MAGI2: variants seen among roughly 807,000 people sequenced by gnomAD.
The protein encoded by MAGI2 is membrane-associated guanylate kinase, WW and PDZ domain-containing protein 2.
Under a neutral mutation model 133.3 loss-of-function variants are expected in MAGI2, and 35 were observed. The ratio of observed to expected loss-of-function variants is 0.26; its 90% CI spans 0.20 to 0.35. MAGI2 has a LOEUF of 0.35. MAGI2 is among the 10% of genes least tolerant of loss of function. The pLI, the probability that MAGI2 is intolerant of heterozygous loss-of-function variation, is 1.00. For synonymous variants in MAGI2, 729 were observed against 710.6 expected, an observed-to-expected ratio of 1.03 and a Z score of -0.41; for missense variants, 1,636 against 1,863.4, an observed-to-expected ratio of 0.88 and a Z score of 2.25.
chr7:79,384,770 G>A (rs1194142367), intron 1 of MAGI2, among the ~76,000 whole-genome samples: 1 of 151,664 alleles, frequency 6.6e-6, no homozygotes, highest in African/African-American at 2.4e-5. Flanking sequence ...GACAATAAAT[G>A]AAACTTTTAG....
chr7:78,600,415 T>C (rs1167799285), intron 3 of MAGI2, among the ~76,000 whole-genome samples: 2 of 152,140 alleles, frequency 1.3e-5, no homozygotes, highest in Non-Finnish European at 2.9e-5. Context: ...ATAGATATTC[T>C]ATCCATGAAA....
At chr7:79,331,682 T>C (rs960871251) in intron 1 of MAGI2, among the ~76,000 whole-genome samples, 2 of 152,214 alleles carry the variant, frequency 1.3e-5, no homozygotes, top group African/African-American at 4.8e-5. Flanking sequence ...TTTTGCCATT[T>C]GGAAGGCAAC....
chr7:79,193,772 A>G (rs536960480), intron 1 of MAGI2, among the ~76,000 whole-genome samples: 3 of 151,828 alleles, frequency 2.0e-5, no homozygotes, highest in African/African-American at 7.3e-5. Flanking sequence ...TTCATTTTGC[A>G]CTGGGAAAAT....
At chr7:78,624,449 T>A (rs1006132728) in intron 3 of MAGI2, among the ~76,000 whole-genome samples, 4 of 152,146 alleles carry the variant, frequency 2.6e-5, no homozygotes, top group Non-Finnish European at 5.9e-5. Flanking sequence ...ATATATACCA[T>A]GGAATACTAT....
intron 2 of MAGI2, among the ~76,000 whole-genome samples, chr7:78,924,237 TAA>T (rs1175337162): frequency 3.3e-5 from 5 of 152,162 alleles, no homozygotes; most frequent in Non-Finnish European, 5.9e-5. Flanking sequence ...CTATGTTGAA[TAA>T]GAGTGGTGAG....
At chr7:78,220,455 AC>A (rs1168698193) in intron 10 of MAGI2, among the ~76,000 whole-genome samples, 1 of 152,224 alleles carries the variant, frequency 6.6e-6, no homozygotes, top group Non-Finnish European at 1.5e-5. Flanking sequence ...GGCAGGGGCA[AC>A]ATCCTGTTTG....
At chr7:78,930,681 A>G (rs1800046108) in intron 2 of MAGI2, among the ~76,000 whole-genome samples, 1 of 152,108 alleles carries the variant, frequency 6.6e-6, no homozygotes, top group African/African-American at 2.4e-5. Flanking sequence ...TTGGTATACT[A>G]TCCATTACTA....
At chr7:79,270,197 C>G (rs991012928) in intron 1 of MAGI2, among the ~76,000 whole-genome samples, 9 of 152,090 alleles carry the variant, frequency 5.9e-5, no homozygotes, top group Non-Finnish European at 1.2e-4. Context: ...TCTCCAGCTC[C>G]CTGCCCACCA....
chr7:78,285,565 G>A (rs568342813), intron 9 of MAGI2: 19 of 152,204 alleles, frequency 1.2e-4, no homozygotes, highest in African/African-American at 4.3e-4. Context: ...GTCCTAGTTT[G>A]GGAAATGGGG....
chr7:78,209,809 G>C (rs1377089594), intron 10 of MAGI2, among the ~76,000 whole-genome samples: 2 of 152,100 alleles, frequency 1.3e-5, no homozygotes, highest in East Asian at 1.9e-4. Flanking sequence ...AACCTACAAG[G>C]CTCTGAAGAA....
At position 78,359,658 on chromosome 7, in the gene MAGI2, T is replaced by TA. The variant is rs1353975928; in HGVS notation, c.1103+9497dup. 5.9e-5 allele frequency among the ~76,000 whole-genome samples: 9 copies of TA among 152,280 alleles called. No individual in the cohort carries two copies. In the East Asian group the frequency reaches 1.4e-3, roughly 23 times the overall value. ...CATAACACTCACATGATGGGATTGTTAAAATCATTAAAATAAAAGAATGGT... is the reference window on the plus strand; with the variant it reads ...CATAACACTCACATGATGGGATTGTTAAAAATCATTAAAATAAAAGAATGGT... On this transcript the variant is annotated intron_variant, in intron 7 of 21. Coordinates refer to ENST00000354212, the MANE Select transcript of MAGI2 (RefSeq NM_012301.4).
chr7:78,513,809 C>T (rs1393639436), intron 4 of MAGI2, among the ~76,000 whole-genome samples: 1 of 152,064 alleles, frequency 6.6e-6, no homozygotes, highest in African/African-American at 2.4e-5. Context: ...ATGAAGAGGG[C>T]CGGGTGCGGT....
At chr7:79,061,190 A>T (rs552547262) in intron 1 of MAGI2, among the ~76,000 whole-genome samples, 71 of 152,188 alleles carry the variant, frequency 4.7e-4, no homozygotes, top group African/African-American at 1.6e-3. Flanking sequence ...TTTCAGGAAG[A>T]TGTTCCTGAG....
At chr7:78,147,757 A>C (rs1018124274) in intron 16 of MAGI2, among the ~76,000 whole-genome samples, 2 of 152,126 alleles carry the variant, frequency 1.3e-5, no homozygotes, top group African/African-American at 4.8e-5. Flanking sequence ...ATGATTTGAG[A>C]GGCTGAGGCA....
intron 1 of MAGI2, among the ~76,000 whole-genome samples, chr7:79,416,322 C>T (rs1278934678): frequency 6.6e-6 from 1 of 151,308 alleles, no homozygotes; most frequent in Non-Finnish European, 1.5e-5. Flanking sequence ...TTGTTTTCAT[C>T]TTGATTCATG....
intron 3 of MAGI2, among the ~76,000 whole-genome samples, 184 bp from the exon 4 acceptor site, chr7:78,521,829 T>C (rs949194337): frequency 1.3e-5 from 2 of 152,160 alleles, no homozygotes; most frequent in African/African-American, 4.8e-5. Flanking sequence ...TATTTATTTG[T>C]TCCTTCTGTT....
chr7:79,048,886 G>T (rs1389329205), intron 1 of MAGI2, among the ~76,000 whole-genome samples: 1 of 152,242 alleles, frequency 6.6e-6, no homozygotes, highest in Non-Finnish European at 1.5e-5. Context: ...TACTTGGAGG[G>T]CTGAGGCAGG....
At chr7:79,286,603 C>G (rs1836021218) in intron 1 of MAGI2, among the ~76,000 whole-genome samples, 1 of 134,554 alleles carries the variant, frequency 7.4e-6, no homozygotes, top group African/African-American at 2.6e-5. Flanking sequence ...AGAAACAGCC[C>G]AAAATATGGT....
chr7:79,322,328 A>G (rs7809944), intron 1 of MAGI2, among the ~76,000 whole-genome samples: 94,937 of 151,964 alleles, frequency 0.62, 30,434 homozygotes, highest in Non-Finnish European at 0.69. Flanking sequence ...CTGAAGTGCC[A>G]CTAGTCACCT....
Sources: allele counts gnomAD v4.1 joint callset (sites outside exome capture counted in the v4.1 genomes callset), GRCh38; gene constraint gnomAD v4.1.1; transcripts MANE v1.5; gene names NCBI Gene and HGNC (gene_info 2026-07-23, HGNC 2026-07-21).